CPNE9: variants seen among roughly 807,000 people sequenced by gnomAD.
CPNE9 encodes copine-9.
CPNE9 carries 59 observed loss-of-function variants against 83.0 expected under a neutral mutation model. That is an observed-to-expected ratio of 0.71 (90% confidence interval 0.58 to 0.88). The LOEUF (loss-of-function observed/expected upper bound fraction) is 0.88. Among genes scored for constraint, CPNE9 ranks in the 40% least tolerant of loss-of-function variants. The probability of loss-of-function intolerance (pLI) is 0.00; values close to 1 mark genes in which losing one functional copy is unlikely to be tolerated. For missense variants in CPNE9, 619 were observed against 720.8 expected (o/e 0.86, Z 1.62); for synonymous variants, 256 against 273.4 (o/e 0.94, Z 0.63).
Position 9,704,486 on chromosome 3 carries a change from G to A in CPNE9, c.69-101G>A. 1.0e-6 allele frequency: 1 copy of A among 1,000,326 alleles called. No homozygotes were observed. The highest frequency in any genetic ancestry group is 1.6e-6 in the Non-Finnish European group (1 of 620,606). 62.0% of individuals were successfully genotyped at this position (1,000,326 alleles called of 1,614,324 possible). ...GGGTAGCCATGGGGGACAGAGGTTC[G>A]ATGCGGGCCCCATGCCTCTCCTCAG... On this transcript the variant is annotated intron_variant, in intron 1 of 20. Transcript: ENST00000383832. The surrounding 1 kb of genome is among the most constrained non-coding windows in gnomAD (Gnocchi z 7.1).
intron 7 of CPNE9, among the ~76,000 whole-genome samples, chr3:9,707,352 CA>C (rs779965477): frequency 0.022 from 1,134 of 50,972 alleles, 2 homozygotes; most frequent in African/African-American, 0.057. Context: ...GATTCTGTCT[CA>C]AAAAAAAAAA....
intron 15 of CPNE9, among the ~76,000 whole-genome samples, 154 bp from the exon 16 acceptor site, chr3:9,717,875 A>C (rs1032926715): frequency 2.6e-5 from 4 of 152,096 alleles, no homozygotes; most frequent in Non-Finnish European, 2.9e-5. Context: ...TAGATGGATA[A>C]ATGAACAAAT....
intron 7 of CPNE9, among the ~76,000 whole-genome samples, chr3:9,710,636 T>G (rs1470964425): frequency 6.6e-6 from 1 of 152,198 alleles, no homozygotes; most frequent in Non-Finnish European, 1.5e-5. Flanking sequence ...CATAATTGTG[T>G]TTTTGTCTGG....
chr3:9,715,183 C>A, intron 11 of CPNE9, 106 bp from the exon 12 acceptor site: 1 of 1,267,548 alleles, frequency 7.9e-7, no homozygotes, highest in Non-Finnish European at 1.1e-6. Context: ...ACTAGGCTGC[C>A]CTGCAGCCTA....
chr3:9,708,859 C>G (rs772720402), intron 7 of CPNE9, among the ~76,000 whole-genome samples: 1 of 151,958 alleles, frequency 6.6e-6, no homozygotes, highest in South Asian at 2.1e-4. Context: ...TGGTCTCGAT[C>G]TCCTGACCTC....
At chr3:9,717,219 A>T in intron 15 of CPNE9, 115 bp downstream of exon 15, 1 of 1,079,500 alleles carries the variant, frequency 9.3e-7, no homozygotes, top group Non-Finnish European at 1.4e-6. Context: ...AAGAAGCCCA[A>T]ACTTAGGCAA....
At chr3:9,713,126 G>A in intron 10 of CPNE9, 47 bp downstream of exon 10, 10 of 1,404,784 alleles carry the variant, frequency 7.1e-6, no homozygotes, top group Non-Finnish European at 1.0e-5. Flanking sequence ...GGACATGCCA[G>A]TGTGGTTCCT....
chr3:9,727,551 T>TA, intron 20 of CPNE9: 2 of 619,940 alleles, frequency 3.2e-6, no homozygotes, highest in East Asian at 5.5e-5. Flanking sequence ...AGGAAAGGGT[T>TA]CTTTAGCTTG....
intron 4 of CPNE9, 44 bp from the exon 5 acceptor site, chr3:9,705,419 TC>T: frequency 1.5e-6 from 1 of 662,636 alleles, no homozygotes; most frequent in Non-Finnish European, 2.7e-6. Context: ...TTCCACCCTC[TC>T]CCCCACCCAG....
At chr3:9,729,373 T>A in intron 20 of CPNE9, 134 bp from the exon 21 acceptor site, 1 of 1,308,868 alleles carries the variant, frequency 7.6e-7, no homozygotes, top group Non-Finnish European at 1.0e-6. Context: ...TAGAAAACTG[T>A]TCAAGATGTG....
At chr3:9,722,791 A>C (rs2076745884) in intron 17 of CPNE9, among the ~76,000 whole-genome samples, 1 of 152,142 alleles carries the variant, frequency 6.6e-6, no homozygotes, top group South Asian at 2.1e-4. Flanking sequence ...TTGGGATCTT[A>C]GATGTGAGCC....
rs1224626495 is a variant in CPNE9 at position 9,705,487 on chromosome 3, A to G, written c.284A>G (p.Asn95Ser). The change falls in exon 5 of 21, where the codon AAC becomes AGC. Residue 95 changes from asparagine to serine, a missense_variant. Asn to Ser is a conservative substitution (Grantham distance 46, BLOSUM62 1). Transcript: ENST00000383832. Reference sequence around the variant, plus strand: ...AGGTACAACGTGGACTCCAAAACCAACATCTCCAAACCGGTGAGCAAACGT... The same window carrying G: ...AGGTACAACGTGGACTCCAAAACCAGCATCTCCAAACCGGTGAGCAAACGT... The part of the protein sequence containing the change: ...FDVYNVDSKT[N>S]ISKPKDFLGQ... 1.0e-5 allele frequency: 16 copies of G among 1,586,058 alleles called. No homozygotes were observed. The highest frequency in any genetic ancestry group is 1.4e-5 in the African/African-American group (1 of 73,926).
At chr3:9,709,683 T>C (rs575347147) in intron 7 of CPNE9, among the ~76,000 whole-genome samples, 1 of 152,014 alleles carries the variant, frequency 6.6e-6, no homozygotes, top group Admixed American at 6.5e-5. Context: ...TATAATTTTT[T>C]AACATAAGGC....
At chr3:9,708,048 C>T (rs1167904326) in intron 7 of CPNE9, among the ~76,000 whole-genome samples, 1 of 152,170 alleles carries the variant, frequency 6.6e-6, no homozygotes, top group Admixed American at 6.5e-5. Context: ...AAGGAATACT[C>T]CCACTTAAAC....
At chr3:9,715,052 G>A (rs1179066447) in intron 11 of CPNE9, 97 bp downstream of exon 11, 2 of 1,199,582 alleles carry the variant, frequency 1.7e-6, no homozygotes, top group Non-Finnish European at 1.2e-6. Context: ...GTAGCTTTAG[G>A]AGCCAGGAAA....
At chr3:9,711,035 A>G (rs2076622211) in intron 7 of CPNE9, among the ~76,000 whole-genome samples, 1 of 152,108 alleles carries the variant, frequency 6.6e-6, no homozygotes, top group Admixed American at 6.6e-5. Context: ...TCTTAAAAAA[A>G]AGTGAGAGAA....
At chr3:9,725,807 C>T in intron 17 of CPNE9, 142 bp from the exon 18 acceptor site, 2 of 672,020 alleles carry the variant, frequency 3.0e-6, no homozygotes, top group Non-Finnish European at 5.4e-6. Flanking sequence ...TGGCAGGCTG[C>T]CAGGTCTGGG....
intron 17 of CPNE9, among the ~76,000 whole-genome samples, chr3:9,721,036 A>G (rs1014189398): frequency 6.6e-6 from 1 of 152,236 alleles, no homozygotes; most frequent in Non-Finnish European, 1.5e-5. Flanking sequence ...CACATCATAA[A>G]TACTATAGGT....
In CPNE9 at chr3:9,704,071, G is replaced by A. The variant is rs374176401; in HGVS notation, c.68+7G>A. On this transcript the variant is annotated splice_region_variant and intron_variant, in intron 1 of 20. Coordinates refer to ENST00000383832, the MANE Select transcript of CPNE9 (RefSeq NM_153635.3). The surrounding 1 kb of genome is among the most constrained non-coding windows in gnomAD (Gnocchi z 7.1). ...AAATTACCGTGTCCTGCCGGTGAGC[G>A]GGCCGCGCTGGGGAGGGCTTAGGCA... 4 of 1,602,704 alleles carry A rather than the reference G, an allele frequency of 2.5e-6. No homozygotes were observed. The highest frequency in any genetic ancestry group is 1.1e-5 in the South Asian group (1 of 89,242).
Sources: allele counts gnomAD v4.1 joint callset (sites outside exome capture counted in the v4.1 genomes callset), GRCh38; gene constraint gnomAD v4.1.1; non-coding constraint Gnocchi (gnomAD v3.1); transcripts MANE v1.5; gene names NCBI Gene and HGNC (gene_info 2026-07-23, HGNC 2026-07-21).